Variants in GPATCH2 observed in about 807,000 individuals in gnomAD.
GPATCH2 encodes G patch domain-containing protein 2.
Under a neutral mutation model 58.0 loss-of-function variants are expected in GPATCH2, and 51 were observed. The ratio of observed to expected loss-of-function variants is 0.88; its 90% CI spans 0.70 to 1.11. The LOEUF (loss-of-function observed/expected upper bound fraction) is 1.11, where lower values mean the gene tolerates loss of function less well. Among genes scored for constraint, GPATCH2 ranks in the 50% most tolerant of loss-of-function variants. The probability of loss-of-function intolerance (pLI) is 0.00; values close to 1 mark genes in which losing one functional copy is unlikely to be tolerated. For synonymous variants in GPATCH2, 222 were observed against 218.5 expected (o/e 1.02, Z -0.14); for missense variants, 625 against 652.2 (o/e 0.96, Z 0.45).
At chr1:217,567,006 G>A (rs11584951) in intron 5 of GPATCH2, among the ~76,000 whole-genome samples, 59,279 of 150,222 alleles carry the variant, frequency 0.39, 13,774 homozygotes, top group East Asian at 0.75. Flanking sequence ...ATGGCTATGA[G>A]TGTACAACTA....
In GPATCH2 at chr1:217,586,923, A is replaced by C. The variant is rs921157643; in HGVS notation, c.1098+23398T>G. ...GGCCGCATACACTGTACTATAAAAA[A>C]AACACAAAGCTATAAATAAAGGCGA... On this transcript the variant is annotated intron_variant, in intron 5 of 9. Transcript: ENST00000366935. Among the ~76,000 whole-genome samples the C allele has an allele frequency of 2.0e-5, 3 of 152,170 alleles. No individual in the cohort carries two copies. In the East Asian group the frequency reaches 5.8e-4, roughly 29 times the overall value.
At chr1:217,625,848 G>T (rs1204950928) in intron 1 of GPATCH2, among the ~76,000 whole-genome samples, 1 of 152,132 alleles carries the variant, frequency 6.6e-6, no homozygotes, top group East Asian at 1.9e-4. Context: ...GCTGGCCGTG[G>T]TGGTGCACAC....
chr1:217,579,766 C>T lies in GPATCH2; in HGVS notation c.1098+30555G>A, dbSNP rs181068826. On this transcript the variant is annotated intron_variant, in intron 5 of 9. Transcript: ENST00000366935. ...AATCCATCAAAGCCTGCAACCAGGG[C>T]ACCACCTATCTGCTGCTGATAAAAA... Among the ~76,000 whole-genome samples, 19 of 152,232 alleles carry T rather than the reference C, an allele frequency of 1.2e-4. No homozygotes were observed. In the East Asian group the frequency reaches 3.5e-3, roughly 28 times the overall value.
chr1:217,488,162 C>T (rs1216252677), intron 8 of GPATCH2, among the ~76,000 whole-genome samples: 1 of 152,112 alleles, frequency 6.6e-6, no homozygotes, highest in African/African-American at 2.4e-5. Flanking sequence ...AGCTTTATGG[C>T]CTGGTAAGTG....
intron 5 of GPATCH2, chr1:217,609,073 ACATATTAAAT>A (rs775384016): frequency 9.3e-5 from 72 of 772,458 alleles, no homozygotes; most frequent in Non-Finnish European, 1.1e-4. Flanking sequence ...ATAAAAATAC[ACATATTAAAT>A]CACATTGTTT....
At chr1:217,496,625 A>G (rs1229820911) in intron 7 of GPATCH2, among the ~76,000 whole-genome samples, 1 of 152,216 alleles carries the variant, frequency 6.6e-6, no homozygotes, top group Non-Finnish European at 1.5e-5. Flanking sequence ...GGCATGAGTT[A>G]TAATGCTGTT....
chr1:217,475,465 A>C (rs1660927426), intron 8 of GPATCH2, among the ~76,000 whole-genome samples: 1 of 152,158 alleles, frequency 6.6e-6, no homozygotes, highest in African/African-American at 2.4e-5. Context: ...CAAACAAACA[A>C]AAAATTAAAG....
At chr1:217,594,241 C>A (rs1389890644) in intron 5 of GPATCH2, among the ~76,000 whole-genome samples, 1 of 152,036 alleles carries the variant, frequency 6.6e-6, no homozygotes, top group South Asian at 2.1e-4. Flanking sequence ...GATTCATCTA[C>A]AGGAGCTAAT....
chr1:217,570,587 A>G (rs546578594), intron 5 of GPATCH2, among the ~76,000 whole-genome samples: 3 of 152,304 alleles, frequency 2.0e-5, no homozygotes, highest in Non-Finnish European at 2.9e-5. Context: ...TAATTCAAAT[A>G]TAATCCTGGA....
intron 1 of GPATCH2, among the ~76,000 whole-genome samples, chr1:217,629,579 C>T (rs1669636051): frequency 6.6e-6 from 1 of 152,132 alleles, no homozygotes; most frequent in Non-Finnish European, 1.5e-5. Context: ...AGATAATGAA[C>T]AGTGAAACAT....
chr1:217,564,616 C>G (rs776601051), intron 5 of GPATCH2, among the ~76,000 whole-genome samples: 1 of 152,120 alleles, frequency 6.6e-6, no homozygotes, highest in Non-Finnish European at 1.5e-5. Flanking sequence ...ATTTCAGCTA[C>G]AACTTTTTTT....
intron 9 of GPATCH2, among the ~76,000 whole-genome samples, chr1:217,435,261 C>A (rs924397214): frequency 1.3e-5 from 2 of 152,222 alleles, no homozygotes; most frequent in Non-Finnish European, 2.9e-5. Flanking sequence ...ACCTTTCTGC[C>A]TGCTTCCGCT....
intron 6 of GPATCH2, among the ~76,000 whole-genome samples, chr1:217,507,101 C>G (rs1001664346): frequency 6.6e-6 from 1 of 152,174 alleles, no homozygotes; most frequent in African/African-American, 2.4e-5. Context: ...CTACTGTACA[C>G]CCGGCACCTA....
At chr1:217,526,887 T>C (rs961938671) in intron 5 of GPATCH2, among the ~76,000 whole-genome samples, 1 of 152,156 alleles carries the variant, frequency 6.6e-6, no homozygotes, top group African/African-American at 2.4e-5. Context: ...AGGAGTGTGA[T>C]CCCAATTGTG....
intron 5 of GPATCH2, among the ~76,000 whole-genome samples, chr1:217,564,748 A>G (rs1666127884): frequency 6.6e-6 from 1 of 152,346 alleles, no homozygotes. Flanking sequence ...AAATCAAGAA[A>G]GAAACAAATA....
At chr1:217,454,069 A>C (rs1209986278) in intron 8 of GPATCH2, among the ~76,000 whole-genome samples, 1 of 152,128 alleles carries the variant, frequency 6.6e-6, no homozygotes, top group Non-Finnish European at 1.5e-5. Context: ...CCAATGGCAG[A>C]GATAAGGATG....
At chr1:217,441,843 C>T (rs1659159129) in intron 9 of GPATCH2, among the ~76,000 whole-genome samples, 1 of 152,114 alleles carries the variant, frequency 6.6e-6, no homozygotes, top group Admixed American at 6.5e-5. Context: ...CAGGAAACAA[C>T]AGATGCTGGA....
At chr1:217,478,163 A>G (rs532666207) in intron 8 of GPATCH2, among the ~76,000 whole-genome samples, 2 of 152,300 alleles carry the variant, frequency 1.3e-5, no homozygotes, top group East Asian at 3.9e-4. Context: ...AATATCTGGA[A>G]AGCCTTTGCA....
intron 6 of GPATCH2, among the ~76,000 whole-genome samples, chr1:217,504,296 G>A (rs367588988): frequency 3.9e-5 from 6 of 152,240 alleles, no homozygotes; most frequent in East Asian, 1.9e-4. Context: ...GGCGAATGGC[G>A]TCCTCCTTTG....
Sources: allele counts gnomAD v4.1 joint callset (sites outside exome capture counted in the v4.1 genomes callset), GRCh38; gene constraint gnomAD v4.1.1; transcripts MANE v1.5; gene names NCBI Gene and HGNC (gene_info 2026-07-23, HGNC 2026-07-21).